The following PCDHGB7 variants were observed in gnomAD, a reference collection of about 807,000 sequenced individuals.
PCDHGB7 encodes protocadherin gamma subfamily B, 7.
In PCDHGB7, 37 loss-of-function variants were observed where a neutral mutation model predicts 61.4. That is an observed-to-expected ratio of 0.60 (90% CI 0.46 to 0.79). The LOEUF (loss-of-function observed/expected upper bound fraction) is 0.79. Among genes scored for constraint, PCDHGB7 ranks in the 30% least tolerant of loss-of-function variants. PCDHGB7 has a pLI of 0.00. For synonymous variants in PCDHGB7, 464 were observed against 503.5 expected, an observed-to-expected ratio of 0.92 and a Z score of 1.05; for missense variants, 1,166 against 1,202.5, an observed-to-expected ratio of 0.97 and a Z score of 0.45.
intron 1 of PCDHGB7, among the ~76,000 whole-genome samples, chr5:141,467,397 TAGAA>T (rs1326936900): frequency 6.6e-6 from 1 of 152,106 alleles, no homozygotes; most frequent in Non-Finnish European, 1.5e-5. Flanking sequence ...AAGTCATAGT[TAGAA>T]AGCCTTTCCC....
chr5:141,497,473 AGGT>A (rs2099776769), intron 2 of PCDHGB7, among the ~76,000 whole-genome samples: 1 of 151,750 alleles, frequency 6.6e-6, no homozygotes. Flanking sequence ...ATGGAGGAGA[AGGT>A]GCGGAACCTC....
chr5:141,465,643 C>T (rs561758040), intron 1 of PCDHGB7, among the ~76,000 whole-genome samples: 2 of 152,306 alleles, frequency 1.3e-5, no homozygotes, highest in East Asian at 3.9e-4. Flanking sequence ...ATGCTTTGAA[C>T]ATCCCAAAAA....
At position 141,511,032 on chromosome 5, in the gene PCDHGB7, G is replaced by T. The variant is rs779589499; in HGVS notation, c.2649G>T (p.Gln883His). 6.2e-7 allele frequency: 1 copy of T among 1,614,228 alleles called. No individual in the cohort carries two copies. Among genetic ancestry groups the T allele is most frequent in the South Asian group, 1.1e-5 (1 of 91,090 alleles). ...GCTACGGACCCCAGTTCACCCTGCAGCACGTGCCCGACTACCGCCAGAATG... is the reference window on the plus strand; with the variant it reads ...GCTACGGACCCCAGTTCACCCTGCATCACGTGCCCGACTACCGCCAGAATG... ...SARYGPQFTLQHVPDYRQNVY... is the reference protein window; with the variant it reads ...SARYGPQFTLHHVPDYRQNVY... Residue 883 changes from glutamine (Q) to histidine (H), a missense_variant, in exon 4 of 4, where the codon CAG (glutamine) becomes CAT (histidine). Gln to His is a conservative substitution (Grantham distance 24, BLOSUM62 0). Coordinates refer to ENST00000398594, the MANE Select transcript of PCDHGB7 (RefSeq NM_018927.4).
intron 2 of PCDHGB7, among the ~76,000 whole-genome samples, chr5:141,496,505 A>G (rs1166234572): frequency 1.3e-5 from 2 of 152,144 alleles, no homozygotes; most frequent in Non-Finnish European, 2.9e-5. Flanking sequence ...TGTTGCCACA[A>G]GGACCCAGGA....
chr5:141,439,636 G>A (rs114401133), intron 1 of PCDHGB7, among the ~76,000 whole-genome samples: 27 of 152,206 alleles, frequency 1.8e-4, no homozygotes, highest in Non-Finnish European at 2.9e-4. Context: ...CAGACATTCC[G>A]GCTTGGTGGC....
intron 1 of PCDHGB7, among the ~76,000 whole-genome samples, chr5:141,449,525 G>T (rs2098641561): frequency 6.7e-6 from 1 of 148,580 alleles, no homozygotes; most frequent in South Asian, 2.1e-4. Flanking sequence ...GGAGGCGGAG[G>T]TTGCAGTGAG....
chr5:141,505,546 C>T (rs555460173), intron 3 of PCDHGB7, 65 bp downstream of exon 3: 36 of 1,608,242 alleles, frequency 2.2e-5, no homozygotes, highest in South Asian at 7.7e-5. Context: ...CATCTCACAG[C>T]CACCATGCCC....
intron 1 of PCDHGB7, among the ~76,000 whole-genome samples, chr5:141,470,290 C>T (rs1226383020): frequency 1.3e-5 from 2 of 152,148 alleles, no homozygotes; most frequent in Non-Finnish European, 2.9e-5. Context: ...TATTGGTTAA[C>T]TGTTTTTATT....
chr5:141,423,157 G>A (rs527921011), intron 1 of PCDHGB7: 1 of 1,610,820 alleles, frequency 6.2e-7, no homozygotes, highest in Non-Finnish European at 8.5e-7. Flanking sequence ...GCAGAGCCTC[G>A]TGGTGGCCGT....
chr5:141,422,869 T>A, intron 1 of PCDHGB7: 2 of 1,614,202 alleles, frequency 1.2e-6, no homozygotes, highest in Non-Finnish European at 1.7e-6. Context: ...CAGCAACGTG[T>A]CGCTGAGCCT....
At chr5:141,505,308 G>A in intron 2 of PCDHGB7, 85 bp from the exon 3 acceptor site, 1 of 1,598,660 alleles carries the variant, frequency 6.3e-7, no homozygotes, top group Non-Finnish European at 8.5e-7. Flanking sequence ...TAGGGTACTA[G>A]GTTTGGGAGC....
At chr5:141,478,090 C>T in intron 1 of PCDHGB7, 2 of 1,614,108 alleles carry the variant, frequency 1.2e-6, no homozygotes, top group Non-Finnish European at 1.7e-6. Flanking sequence ...CGCTCTCCAC[C>T]ACTGCTACCC....
intron 1 of PCDHGB7, chr5:141,441,802 T>C (rs2098274220): frequency 2.6e-6 from 1 of 382,538 alleles, no homozygotes; most frequent in South Asian, 2.1e-5. Flanking sequence ...GCACCGCGGG[T>C]GCTGTACCCC....
intron 1 of PCDHGB7, chr5:141,442,416 T>A (rs2098323395): frequency 6.6e-6 from 1 of 152,206 alleles, no homozygotes; most frequent in Non-Finnish European, 1.5e-5. Flanking sequence ...CTGAGTGAAC[T>A]TCTTTTTTGA....
rs2096264933 is a variant in PCDHGB7, at chr5:141,418,506, ATGG to A, written c.651_653del (p.Gly218del). 6.2e-7 allele frequency: 1 copy of A among 1,613,860 alleles called. No homozygotes were observed. The highest frequency in any genetic ancestry group is 1.3e-5 in the African/African-American group (1 of 74,938). On this transcript the variant is annotated inframe_deletion, in exon 1 of 4. Transcript: ENST00000398594. Reference sequence around the variant, plus strand: ...CACCACTTGGTACTGACCGCCTTAGATGGTGGGGACCCTCCCCGAAGCGGTACT... The same window carrying A: ...CACCACTTGGTACTGACCGCCTTAGATGGGGACCCTCCCCGAAGCGGTACT...
chr5:141,458,593 C>T (rs1352799952), intron 1 of PCDHGB7, among the ~76,000 whole-genome samples: 4 of 151,402 alleles, frequency 2.6e-5, no homozygotes, highest in Non-Finnish European at 5.9e-5. Flanking sequence ...GTTTTGGAGA[C>T]GAGTCTCACT....
chr5:141,496,663 G>A (rs2099770279), intron 2 of PCDHGB7, among the ~76,000 whole-genome samples: 1 of 152,196 alleles, frequency 6.6e-6, no homozygotes, highest in Admixed American at 6.5e-5. Context: ...GACCCCAGCT[G>A]TTGTCCTTCT....
intron 1 of PCDHGB7, chr5:141,475,848 C>T (rs1562050268): frequency 4.4e-6 from 2 of 451,496 alleles, no homozygotes; most frequent in Non-Finnish European, 7.9e-6. Context: ...TCAGAGAGCC[C>T]GGCGCTAGCT....
rs1214425261 is a variant in PCDHGB7 at position 141,485,865 on chromosome 5, C to G, written c.2416-8942C>G. On this transcript the variant is annotated intron_variant, in intron 1 of 3. Coordinates refer to ENST00000398594, the MANE Select transcript of PCDHGB7 (RefSeq NM_018927.4). This position sits in a 1 kb window ranked among gnomAD's most constrained non-coding sequence, Gnocchi z 5.7. The stretch of plus-strand genomic sequence containing the variant: ...TCTGGCACCGCAGAGCTCCGGGTAT[C>G]CGTGCTGGACGTAAACGACAACGCC... The G allele has an allele frequency of 1.2e-6, 2 of 1,614,182 alleles. No individual in the cohort carries two copies.
Sources: gnomAD v4.1 joint callset for allele counts (sites outside exome capture counted in the v4.1 genomes callset) on GRCh38, gnomAD v4.1.1 for gene constraint, Gnocchi (gnomAD v3.1) non-coding constraint, MANE v1.5 for transcripts, NCBI Gene and HGNC (gene_info 2026-07-23, HGNC 2026-07-21) for gene names.